The following PLCB4 variants were observed in gnomAD, a reference collection of about 807,000 sequenced individuals.
PLCB4 encodes the protein 1-phosphatidylinositol 4,5-bisphosphate phosphodiesterase beta-4.
Under a neutral mutation model 178.8 loss-of-function variants are expected in PLCB4, and 77 were observed. That is an observed-to-expected ratio of 0.43 (90% CI 0.36 to 0.52). PLCB4 has a LOEUF of 0.52. PLCB4 is among the 20% of genes least tolerant of loss of function. PLCB4 has a pLI of 0.00. For missense variants in PLCB4, 1,024 were observed against 1,453.4 expected (o/e 0.70, Z 4.80); for synonymous variants, 496 against 490.8 (o/e 1.01, Z -0.14).
At chr20:9,367,702 C>T (rs185924563) in intron 9 of PLCB4, among the ~76,000 whole-genome samples, 4 of 152,330 alleles carry the variant, frequency 2.6e-5, no homozygotes, top group Admixed American at 6.5e-5. Flanking sequence ...GATCAAAGCA[C>T]TTCTAACCAG....
At chr20:9,408,909 C>G (rs763967757) in intron 23 of PLCB4, 148 bp from the exon 24 acceptor site, 11 of 777,250 alleles carry the variant, frequency 1.4e-5, no homozygotes, top group Non-Finnish European at 2.1e-5. Flanking sequence ...GAACTGTGAT[C>G]TTAAGCATCA....
intron 3 of PLCB4, among the ~76,000 whole-genome samples, chr20:9,305,485 A>G (rs2094755207): frequency 6.6e-6 from 1 of 152,036 alleles, no homozygotes; most frequent in Admixed American, 6.5e-5. Flanking sequence ...CAACTCATAT[A>G]TTGATATAAT....
chr20:9,130,620 A>T (rs969121516), intron 2 of PLCB4, among the ~76,000 whole-genome samples: 4 of 152,202 alleles, frequency 2.6e-5, no homozygotes, highest in South Asian at 4.1e-4. Flanking sequence ...CATGAAACCC[A>T]TGGATGACGT....
chr20:9,438,323 G>A lies in PLCB4; in HGVS notation c.2764+1171G>A, dbSNP rs576070108. On this transcript the variant is annotated intron_variant, in intron 30 of 39. Coordinates refer to ENST00000378473, the MANE Select transcript of PLCB4 (RefSeq NM_001377142.1). ...GGAGCTTGCAGTGAGCTGAGATAGC[G>A]CCACTGCAGTCCGGCCTGGGTGAAA... is the stretch of plus-strand genomic sequence containing the variant. Among the ~76,000 whole-genome samples, 13 of 150,230 alleles carry A rather than the reference G, an allele frequency of 8.7e-5. No individual in the cohort carries two copies. In the South Asian group the frequency reaches 1.7e-3, roughly 19 times the overall value.
chr20:9,456,648 A>T (rs1430118157), intron 33 of PLCB4, among the ~76,000 whole-genome samples: 1 of 152,222 alleles, frequency 6.6e-6, no homozygotes, highest in Non-Finnish European at 1.5e-5. Context: ...AAACTTATTG[A>T]ATAACAGAAG....
At position 9,436,891 on chromosome 20, in the gene PLCB4, G is replaced by C. The variant is rs368994609; in HGVS notation, c.2614-111G>C. On this transcript the variant is annotated intron_variant, in intron 29 of 39. Coordinates refer to ENST00000378473, the MANE Select transcript of PLCB4 (RefSeq NM_001377142.1). ...ATCCTTTGCCTTTAAGAGAGTAGAA[G>C]TCTAGGAAGAGTATGGTAGAAGTTT... 47 of 995,298 alleles carry C rather than the reference G, an allele frequency of 4.7e-5. 1 individual carries two copies. The East Asian group carries it at 8.1e-4, about 17-fold the overall frequency. 61.7% of individuals were successfully genotyped at this position (995,298 alleles called of 1,614,324 possible).
intron 2 of PLCB4, among the ~76,000 whole-genome samples, chr20:9,174,486 A>C (rs1225917274): frequency 2.0e-5 from 3 of 149,896 alleles, no homozygotes; most frequent in African/African-American, 7.4e-5. Flanking sequence ...TTTACCTGGC[A>C]ATATTGTATA....
intron 2 of PLCB4, among the ~76,000 whole-genome samples, chr20:9,123,106 G>A (rs987129347): frequency 1.1e-4 from 17 of 151,862 alleles, no homozygotes; most frequent in African/African-American, 3.9e-4. Context: ...TCTTTACTAA[G>A]GTATTTATTA....
chr20:9,151,200 T>C (rs1427650322), intron 2 of PLCB4, among the ~76,000 whole-genome samples: 3 of 152,208 alleles, frequency 2.0e-5, no homozygotes, highest in Non-Finnish European at 1.5e-5. Flanking sequence ...TTGGGTATTA[T>C]AAGTACTCCA....
At chr20:9,140,512 C>G (rs2092466263) in intron 2 of PLCB4, among the ~76,000 whole-genome samples, 1 of 151,620 alleles carries the variant, frequency 6.6e-6, no homozygotes, top group Non-Finnish European at 1.5e-5. Context: ...TTCCAAATCT[C>G]AAGTTGAAAT....
intron 4 of PLCB4, among the ~76,000 whole-genome samples, chr20:9,320,035 A>G (rs1282487208): frequency 2.0e-5 from 3 of 152,212 alleles, no homozygotes; most frequent in Non-Finnish European, 4.4e-5. Context: ...CGCCCAAGAA[A>G]GAATTAGAGG....
At chr20:9,285,923 A>G (rs947418203) in intron 3 of PLCB4, among the ~76,000 whole-genome samples, 2 of 152,046 alleles carry the variant, frequency 1.3e-5, no homozygotes, top group Non-Finnish European at 2.9e-5. Flanking sequence ...ATGCGTAGAC[A>G]TCATCTTTTC....
chr20:9,405,513 G>A (rs1301167779), intron 21 of PLCB4, among the ~76,000 whole-genome samples, 165 bp downstream of exon 21: 1 of 152,144 alleles, frequency 6.6e-6, no homozygotes, highest in Admixed American at 6.5e-5. Flanking sequence ...ATTTAATGCA[G>A]TAAGGCATTT....
At chr20:9,231,505 C>T (rs1366273847) in intron 3 of PLCB4, among the ~76,000 whole-genome samples, 1 of 152,056 alleles carries the variant, frequency 6.6e-6, no homozygotes, top group Non-Finnish European at 1.5e-5. Flanking sequence ...TTAAGGGAGC[C>T]CCCCCATCTA....
intron 1 of PLCB4, among the ~76,000 whole-genome samples, chr20:9,073,733 A>G (rs915877114): frequency 6.6e-6 from 1 of 151,968 alleles, no homozygotes; most frequent in Non-Finnish European, 1.5e-5. Flanking sequence ...AAATACCAAT[A>G]AAAAAATTAG....
intron 15 of PLCB4, among the ~76,000 whole-genome samples, chr20:9,389,418 AAC>A (rs1223791389): frequency 6.6e-6 from 1 of 152,184 alleles, no homozygotes; most frequent in Non-Finnish European, 1.5e-5. Flanking sequence ...CTGATTTCCA[AAC>A]ACAGAGGAAA....
intron 2 of PLCB4, among the ~76,000 whole-genome samples, chr20:9,165,707 A>G (rs1316462921): frequency 6.6e-6 from 1 of 152,050 alleles, no homozygotes; most frequent in African/African-American, 2.4e-5. Flanking sequence ...GTTTTGCAGA[A>G]CATTTTACAT....
rs141929846 is a variant in PLCB4 at position 9,306,585 on chromosome 20, A to G, written c.-15-1215A>G. On this transcript the variant is annotated intron_variant, in intron 3 of 39. Coordinates refer to ENST00000378473, the MANE Select transcript of PLCB4 (RefSeq NM_001377142.1). ...ACTCTCTCTTCCCTCTGAAAAAATC[A>G]GTATGCTGAAGTCAGGTCCTGTTTT... 3.7e-3 allele frequency among the ~76,000 whole-genome samples: 557 copies of G among 152,330 alleles called. 3 individuals carry two copies. In the Middle Eastern group the frequency reaches 0.044, roughly 12 times the overall value.
At chr20:9,371,590 G>A (rs1201186560) in intron 10 of PLCB4, among the ~76,000 whole-genome samples, 1 of 152,050 alleles carries the variant, frequency 6.6e-6, no homozygotes, top group Non-Finnish European at 1.5e-5. Flanking sequence ...CTTAAGAAAA[G>A]GAAATGAAGG....
Sources: allele counts gnomAD v4.1 joint callset (sites outside exome capture counted in the v4.1 genomes callset), GRCh38; gene constraint gnomAD v4.1.1; transcripts MANE v1.5; gene names NCBI Gene and HGNC (gene_info 2026-07-23, HGNC 2026-07-21).